Variants in GPHN observed in about 807,000 individuals in gnomAD.
GPHN encodes the protein gephyrin.
A neutral mutation model predicts 95.5 loss-of-function variants in GPHN; 17 were observed. That is an observed-to-expected ratio of 0.18 (90% CI 0.12 to 0.27). The LOEUF (loss-of-function observed/expected upper bound fraction) is 0.27. Ranked by LOEUF, GPHN falls within the 10% of genes least tolerant of loss-of-function variation. GPHN has a pLI of 1.00. For synonymous variants in GPHN, 320 were observed against 322.5 expected (o/e 0.99, Z 0.08); for missense variants, 660 against 978.1 (o/e 0.67, Z 4.34).
chr14:67,215,999 T>C, the GPHN span, among the ~76,000 whole-genome samples: 1 of 152,298 alleles, frequency 6.6e-6, no homozygotes, highest in South Asian at 2.1e-4. Context: ...ATAAACTTTA[T>C]TTTTTGCGTG....
the GPHN span, chr14:67,651,559 G>A: frequency 6.7e-7 from 1 of 1,502,716 alleles, no homozygotes; most frequent in Non-Finnish European, 9.0e-7. Flanking sequence ...TTAGACCTGG[G>A]ACCACGGCTG....
intron 10 of GPHN, among the ~76,000 whole-genome samples, chr14:67,024,475 C>T (rs1456433255): frequency 6.6e-6 from 1 of 152,194 alleles, no homozygotes; most frequent in Non-Finnish European, 1.5e-5. Flanking sequence ...TACTGATACT[C>T]ATACCACTGG....
intron 21 of GPHN, 198 bp downstream of exon 21, chr14:67,169,234 A>G: frequency 1.7e-6 from 1 of 600,788 alleles, no homozygotes; most frequent in Non-Finnish European, 2.9e-6. Flanking sequence ...TTCTAAAGTG[A>G]ATCATTTTCT....
At chr14:67,727,794 A>G in the GPHN span, 2 of 160,604 alleles carry the variant, frequency 1.2e-5, no homozygotes, top group African/African-American at 4.8e-5. Flanking sequence ...GTCCAAGGAA[A>G]TGGCCAGCTA....
At chr14:67,191,505 C>G in the GPHN span, among the ~76,000 whole-genome samples, 1 of 152,186 alleles carries the variant, frequency 6.6e-6, no homozygotes, top group African/African-American at 2.4e-5. Flanking sequence ...GATTCCCACT[C>G]TCTCCCCTTC....
intron 2 of GPHN, among the ~76,000 whole-genome samples, chr14:66,722,695 T>C (rs913391531): frequency 3.9e-5 from 6 of 152,076 alleles, no homozygotes; most frequent in African/African-American, 1.4e-4. Flanking sequence ...CCCCCACCTC[T>C]AATGCTCAAA....
chr14:66,695,279 A>T (rs1002577026), intron 2 of GPHN, among the ~76,000 whole-genome samples: 2 of 152,248 alleles, frequency 1.3e-5, no homozygotes, highest in African/African-American at 4.8e-5. Flanking sequence ...ATATAAAAAG[A>T]TGTTCTACAT....
intron 1 of GPHN, among the ~76,000 whole-genome samples, chr14:66,598,019 A>G (rs1431690161): frequency 1.3e-5 from 2 of 152,228 alleles, no homozygotes; most frequent in African/African-American, 4.8e-5. Context: ...GTTAAGTGAA[A>G]TAAGTCAGGC....
intron 1 of GPHN, among the ~76,000 whole-genome samples, chr14:66,523,862 C>A (rs1389234090): frequency 1.3e-5 from 2 of 152,082 alleles, no homozygotes; most frequent in South Asian, 2.1e-4. Context: ...TATCCCCATG[C>A]CCTTTTCCCA....
intron 3 of GPHN, among the ~76,000 whole-genome samples, chr14:66,778,669 T>G (rs1339791218): frequency 2.0e-5 from 3 of 147,226 alleles, no homozygotes; most frequent in African/African-American, 7.5e-5. Flanking sequence ...AATCTTTCAA[T>G]AAATTCAAAT....
At chr14:67,178,797 A>G (rs1293498101) in intron 21 of GPHN, among the ~76,000 whole-genome samples, 1 of 152,220 alleles carries the variant, frequency 6.6e-6, no homozygotes, top group Non-Finnish European at 1.5e-5. Context: ...TTAAAGACAA[A>G]GAATTATAAT....
chr14:67,729,541 A>G, the GPHN span: 1 of 717,694 alleles, frequency 1.4e-6, no homozygotes, highest in Non-Finnish European at 2.5e-6. Context: ...AAGGAAACTT[A>G]CAGTACAAAC....
the GPHN span, chr14:67,729,450 C>A: frequency 1.4e-6 from 2 of 1,475,618 alleles, no homozygotes; most frequent in South Asian, 2.3e-5. Context: ...CTGGGCTGTT[C>A]ATCCTGAGAA....
At position 67,180,868 on chromosome 14, in the gene GPHN, A is replaced by G; in HGVS notation, c.2241A>G (p.Pro747=). 1 of 1,613,996 alleles carries G rather than the reference A, an allele frequency of 6.2e-7. No homozygotes were observed. Among genetic ancestry groups the G allele is most frequent in the East Asian group, 2.2e-5 (1 of 44,872 alleles). Reference sequence around the variant, plus strand: ...CCAATGGATTGTTGATGCTACCTCCAAAGACAGAACAGTACGTGGAGCTCC... The same window carrying G: ...CCAATGGATTGTTGATGCTACCTCCGAAGACAGAACAGTACGTGGAGCTCC... ...RSANGLLMLP[P]KTEQYVELHK... Residue 747 remains proline, a synonymous_variant, in exon 23 of 23, where the codon CCA becomes CCG. Transcript: ENST00000478722.
At chr14:67,422,779 T>C in the GPHN span, among the ~76,000 whole-genome samples, 1 of 151,476 alleles carries the variant, frequency 6.6e-6, no homozygotes, top group East Asian at 1.9e-4. Context: ...GATTCCAGAG[T>C]AGATGCAATG....
the GPHN span, chr14:67,578,071 T>C: frequency 6.2e-7 from 1 of 1,613,884 alleles, no homozygotes; most frequent in South Asian, 1.1e-5. This position sits in a 1 kb window ranked among gnomAD's most constrained non-coding sequence, Gnocchi z 5.0. Flanking sequence ...CTCGGTGGAC[T>C]ACCATGTGTC....
chr14:66,703,219 AC>A (rs1302225104), intron 2 of GPHN, among the ~76,000 whole-genome samples: 1 of 152,230 alleles, frequency 6.6e-6, no homozygotes, highest in East Asian at 1.9e-4. Flanking sequence ...GCTGGAAAAC[AC>A]ACTTCAGGAT....
chr14:67,645,893 G>A, the GPHN span: 1 of 1,439,884 alleles, frequency 6.9e-7, no homozygotes, highest in East Asian at 2.3e-5. Flanking sequence ...TGAAGGGTGG[G>A]TTGAGTGTGG....
chr14:67,561,774 G>C, the GPHN span, among the ~76,000 whole-genome samples: 1 of 151,846 alleles, frequency 6.6e-6, no homozygotes, highest in Non-Finnish European at 1.5e-5. Flanking sequence ...GGAGGCTGAG[G>C]TGGGAGGATC....
Sources: allele counts gnomAD v4.1 joint callset (sites outside exome capture counted in the v4.1 genomes callset), GRCh38; gene constraint gnomAD v4.1.1; non-coding constraint Gnocchi (gnomAD v3.1); transcripts MANE v1.5; gene names NCBI Gene and HGNC (gene_info 2026-07-23, HGNC 2026-07-21).